The following RBM39 variants were observed in gnomAD, a reference collection of about 807,000 sequenced individuals.
RBM39 encodes RNA-binding protein 39.
Under a neutral mutation model 79.6 loss-of-function variants are expected in RBM39, and 12 were observed. The observed-to-expected ratio is 0.15, with a 90% CI of 0.10 to 0.24. RBM39 has a LOEUF of 0.24. RBM39 is among the 10% of genes least tolerant of loss of function. The pLI is 1.00. For synonymous variants in RBM39, 185 were observed against 208.4 expected (o/e 0.89, Z 0.97); for missense variants, 243 against 653.4 (o/e 0.37, Z 6.85).
chr20:35,728,066 C>T (rs920261327), intron 6 of RBM39, among the ~76,000 whole-genome samples: 3 of 152,192 alleles, frequency 2.0e-5, no homozygotes, highest in South Asian at 2.1e-4. Flanking sequence ...GGATTACCCG[C>T]GTGAGCCACC....
At chr20:35,713,685 A>C (rs1221043387) in intron 11 of RBM39, 1 of 149,084 alleles carries the variant, frequency 6.7e-6, no homozygotes, top group Non-Finnish European at 1.5e-5. Context: ...AAAAAAAAAA[A>C]AAAAAAAAAA....
At chr20:35,715,071 A>G (rs1016054248) in intron 10 of RBM39, among the ~76,000 whole-genome samples, 3 of 152,242 alleles carry the variant, frequency 2.0e-5, no homozygotes, top group African/African-American at 7.2e-5. Context: ...ACATAGCAAC[A>G]GGCTTACATT....
At chr20:35,722,394 G>A (rs1401398015) in intron 8 of RBM39, among the ~76,000 whole-genome samples, 5 of 146,474 alleles carry the variant, frequency 3.4e-5, no homozygotes, top group African/African-American at 7.7e-5. Context: ...GTGACAGAGT[G>A]AGACTCAGTC....
At chr20:35,733,335 C>T (rs112065553) in intron 3 of RBM39, among the ~76,000 whole-genome samples, 5,334 of 147,334 alleles carry the variant, frequency 0.036, 323 homozygotes, top group African/African-American at 0.13. Context: ...ACTCCAAGTG[C>T]GGTGGCTCAC....
rs572583804 is a variant in RBM39 at position 35,722,834 on chromosome 20, T to G, written c.688-957A>C. ...CTGTAGTCTCAGCTACTTGAGAGAC[T>G]CAGGCAGGAGAATGGCGTGAACCCA... On this transcript the variant is annotated intron_variant, in intron 8 of 16. Coordinates refer to ENST00000253363, the MANE Select transcript of RBM39 (RefSeq NM_184234.3). 7.3e-5 allele frequency among the ~76,000 whole-genome samples: 11 copies of G among 151,428 alleles called. No individual in the cohort carries two copies. The East Asian group carries it at 2.1e-3, about 30-fold the overall frequency.
intron 10 of RBM39, 38 bp downstream of exon 10, chr20:35,716,702 A>C (rs759286200): frequency 6.0e-6 from 8 of 1,331,290 alleles, no homozygotes; most frequent in Non-Finnish European, 8.4e-6. Flanking sequence ...TTTAAAAAAA[A>C]AAAAACCCTA....
At position 35,704,726 on chromosome 20, in the gene RBM39, G is replaced by A; in HGVS notation, c.1434C>T (p.Cys478=). ...CAGCAATAGCTGCAGCAATTGATGGGCACTTCACATACACATTGCCCTACA... is the reference window on the plus strand; with the variant it reads ...CAGCAATAGCTGCAGCAATTGATGGACACTTCACATACACATTGCCCTACA... The part of the protein sequence containing the change: ...NSAQGNVYVK[C]PSIAAAIAAV... Residue 478 remains cysteine (C), a synonymous_variant, in exon 16 of 17, where the codon TGC becomes TGT. Coordinates refer to ENST00000253363, the MANE Select transcript of RBM39 (RefSeq NM_184234.3). The A allele has an allele frequency of 1.2e-6, 2 of 1,613,744 alleles. No individual in the cohort carries two copies. The highest frequency in any genetic ancestry group is 8.5e-7 in the Non-Finnish European group (1 of 1,179,940).
intron 11 of RBM39, 77 bp from the exon 12 acceptor site, chr20:35,713,173 A>C: frequency 2.4e-6 from 3 of 1,245,092 alleles, no homozygotes; most frequent in Non-Finnish European, 3.4e-6. Flanking sequence ...TAATATCATG[A>C]TCACTTCACT....
Position 35,703,164 on chromosome 20 carries a change from T to C in RBM39, c.*1317A>G, listed in dbSNP as rs1189808134. On this transcript the variant is annotated 3_prime_UTR_variant, in exon 17 of 17. Transcript: ENST00000253363. ...ACAGTTGAAGAGAATTGAGTATAAATGGTGACAGCTTGCTTCCCAACTAGT... is the reference window on the plus strand; with the variant it reads ...ACAGTTGAAGAGAATTGAGTATAAACGGTGACAGCTTGCTTCCCAACTAGT... 1.3e-5 allele frequency: 2 copies of C among 152,128 alleles called. No individual in the cohort carries two copies. Among genetic ancestry groups the C allele is most frequent in the Non-Finnish European group, 2.9e-5 (2 of 68,028 alleles). The allele number at this position is 152,128 out of a possible 1,614,324, so 9.4% of individuals were successfully genotyped here.
intron 12 of RBM39, among the ~76,000 whole-genome samples, chr20:35,711,833 A>G (rs537196854): frequency 4.6e-5 from 7 of 152,288 alleles, no homozygotes; most frequent in African/African-American, 1.7e-4. Flanking sequence ...TTACAGTCTC[A>G]CTTCGTATAT....
intron 8 of RBM39, among the ~76,000 whole-genome samples, chr20:35,723,938 G>C (rs2146620942): frequency 6.6e-6 from 1 of 152,286 alleles, no homozygotes; most frequent in East Asian, 1.9e-4. Flanking sequence ...CTACTCAGGA[G>C]ACTGGGGAGA....
chr20:35,723,129 G>A (rs1410888037), intron 8 of RBM39, among the ~76,000 whole-genome samples: 2 of 151,598 alleles, frequency 1.3e-5, no homozygotes, highest in Non-Finnish European at 2.9e-5. Context: ...ACCGAACGTA[G>A]TTGTTTGTGA....
chr20:35,705,523 C>T (rs117439579), intron 14 of RBM39, 193 bp from the exon 15 acceptor site: 77,855 of 441,576 alleles, frequency 0.18, 7,894 homozygotes, highest in Middle Eastern at 0.22. Flanking sequence ...TGAGGCCGGG[C>T]GCGGTGACTC....
intron 9 of RBM39, chr20:35,720,038 C>A: frequency 4.2e-6 from 1 of 239,154 alleles, no homozygotes; most frequent in African/African-American, 2.3e-5. Flanking sequence ...TTGCCTCGGC[C>A]TCCCAAACAA....
chr20:35,733,179 G>A (rs1199671618), intron 3 of RBM39, among the ~76,000 whole-genome samples: 3 of 151,776 alleles, frequency 2.0e-5, no homozygotes, highest in Admixed American at 6.6e-5. Flanking sequence ...GGTGCATGCC[G>A]GTAATCACAG....
Position 35,740,820 on chromosome 20 carries a change from T to G in RBM39, c.51+4A>C. The stretch of plus-strand genomic sequence containing the variant: ...ATAAACCTCACCGACATGTTTTTTC[T>G]CACCTTCTTGTAAGGAGCCTCAAGC... On this transcript the variant is annotated splice_donor_region_variant and intron_variant, in intron 2 of 16. Transcript: ENST00000253363. 2.5e-6 allele frequency: 4 copies of G among 1,609,578 alleles called. No homozygotes were observed. Among genetic ancestry groups the G allele is most frequent in the Non-Finnish European group, 3.4e-6 (4 of 1,177,452 alleles).
In RBM39 at chr20:35,704,301, A is replaced by C; in HGVS notation, c.*180T>G. 2.0e-6 allele frequency: 1 copy of C among 509,244 alleles called. No homozygotes were observed. Among genetic ancestry groups the C allele is most frequent in the East Asian group, 3.4e-5 (1 of 29,688 alleles). 31.5% of individuals were successfully genotyped at this position (509,244 alleles called of 1,614,324 possible). On this transcript the variant is annotated 3_prime_UTR_variant, in exon 17 of 17. Coordinates refer to ENST00000253363, the MANE Select transcript of RBM39 (RefSeq NM_184234.3). ...AGTTTTGTATACAGTGGGATTTACT[A>C]TTTAGGGAGAATGAGCACACTGCAT...
intron 3 of RBM39, among the ~76,000 whole-genome samples, chr20:35,737,721 C>T (rs990128802): frequency 3.4e-5 from 5 of 146,142 alleles, no homozygotes; most frequent in South Asian, 4.5e-4. Flanking sequence ...TGGTGGCAGG[C>T]GCCTGTAGTC....
intron 6 of RBM39, among the ~76,000 whole-genome samples, chr20:35,728,213 C>T (rs2038972101): frequency 6.6e-6 from 1 of 151,170 alleles, no homozygotes; most frequent in South Asian, 2.1e-4. Context: ...AATAGTAAAA[C>T]TTACTGTTAC....
Sources: allele counts gnomAD v4.1 joint callset (sites outside exome capture counted in the v4.1 genomes callset), GRCh38; gene constraint gnomAD v4.1.1; transcripts MANE v1.5; gene names NCBI Gene and HGNC (gene_info 2026-07-23, HGNC 2026-07-21).